Variants in HELZ observed in about 807,000 individuals in gnomAD.
HELZ encodes the protein helicase with zinc finger.
Under a neutral mutation model 218.2 loss-of-function variants are expected in HELZ, and 23 were observed. That is an observed-to-expected ratio of 0.11 (90% confidence interval 0.08 to 0.15). The LOEUF is 0.15. Among genes scored for constraint, HELZ ranks in the 10% least tolerant of loss-of-function variants. The probability of loss-of-function intolerance (pLI) is 1.00; values close to 1 mark genes in which losing one functional copy is unlikely to be tolerated. For synonymous variants in HELZ, 814 were observed against 829.4 expected (o/e 0.98, Z 0.32); for missense variants, 1,813 against 2,353.7 (o/e 0.77, Z 4.75).
At chr17:67,191,840 AG>A (rs2039904932) in intron 9 of HELZ, among the ~76,000 whole-genome samples, 1 of 151,604 alleles carries the variant, frequency 6.6e-6, no homozygotes, top group East Asian at 1.9e-4. Flanking sequence ...AGGCAAAGCC[AG>A]TTTTTAAATA....
chr17:67,223,808 TTAAACTCC>T (rs1260503093), intron 3 of HELZ, among the ~76,000 whole-genome samples: 4 of 152,158 alleles, frequency 2.6e-5, no homozygotes, highest in African/African-American at 9.7e-5. Context: ...CTAATTTCCT[TTAAACTCC>T]TATCCCTGTG....
At chr17:67,192,835 A>G (rs1027778318) in intron 9 of HELZ, among the ~76,000 whole-genome samples, 1 of 152,114 alleles carries the variant, frequency 6.6e-6, no homozygotes. Context: ...CTGTAACTTT[A>G]ATCATTCCTT....
chr17:67,146,323 T>C (rs2038495653), intron 20 of HELZ, among the ~76,000 whole-genome samples: 1 of 152,226 alleles, frequency 6.6e-6, no homozygotes. Flanking sequence ...CCATACTTTT[T>C]CCATGTTTAG....
chr17:67,178,259 CCT>C (rs1567866945), intron 13 of HELZ, among the ~76,000 whole-genome samples: 1 of 152,138 alleles, frequency 6.6e-6, no homozygotes, highest in Non-Finnish European at 1.5e-5. Context: ...TAATTTCATT[CCT>C]AAAACAACTT....
At chr17:67,094,403 GA>G (rs2036676243) in intron 31 of HELZ, among the ~76,000 whole-genome samples, 2 of 151,650 alleles carry the variant, frequency 1.3e-5, no homozygotes, top group African/African-American at 4.8e-5. Flanking sequence ...GAGAGAGAGA[GA>G]GAGATACAGA....
intron 9 of HELZ, among the ~76,000 whole-genome samples, chr17:67,192,931 G>A (rs1055528951): frequency 6.6e-6 from 1 of 152,142 alleles, no homozygotes; most frequent in Non-Finnish European, 1.5e-5. Flanking sequence ...ATTACATGAA[G>A]ATAATATTTT....
intron 21 of HELZ, among the ~76,000 whole-genome samples, chr17:67,144,725 C>T (rs1017097436): frequency 2.0e-5 from 3 of 152,036 alleles, no homozygotes; most frequent in Non-Finnish European, 4.4e-5. Flanking sequence ...GCCCTGGTTG[C>T]CACTTCCTGT....
At chr17:67,107,043 A>C in intron 31 of HELZ, 126 bp downstream of exon 31, 1 of 954,474 alleles carries the variant, frequency 1.0e-6, no homozygotes, top group South Asian at 1.8e-5. Context: ...AATAATTCCC[A>C]AGAAAGGATT....
At chr17:67,232,534 C>T (rs1372595874) in intron 3 of HELZ, among the ~76,000 whole-genome samples, 1 of 152,192 alleles carries the variant, frequency 6.6e-6, no homozygotes, top group Non-Finnish European at 1.5e-5. Flanking sequence ...TAAGTTAATT[C>T]GCCCAAAGAC....
chr17:67,162,947 A>G (rs1057387329), intron 15 of HELZ, among the ~76,000 whole-genome samples: 5 of 152,158 alleles, frequency 3.3e-5, no homozygotes, highest in South Asian at 2.1e-4. Context: ...CCTGGACCAC[A>G]TATCTCTAGG....
chr17:67,144,082 G>A (rs949991006), intron 21 of HELZ, among the ~76,000 whole-genome samples: 1 of 151,982 alleles, frequency 6.6e-6, no homozygotes, highest in African/African-American at 2.4e-5. Flanking sequence ...ATGCCACTTG[G>A]TCTGCTTGTT....
At chr17:67,106,020 C>G (rs1277522798) in intron 31 of HELZ, among the ~76,000 whole-genome samples, 1 of 152,162 alleles carries the variant, frequency 6.6e-6, no homozygotes, top group African/African-American at 2.4e-5. Flanking sequence ...CTTTAGATAT[C>G]ATTCTGAAAC....
intron 13 of HELZ, among the ~76,000 whole-genome samples, chr17:67,170,584 T>C (rs1389595249): frequency 6.6e-6 from 1 of 151,990 alleles, no homozygotes; most frequent in African/African-American, 2.4e-5. Flanking sequence ...CCCAGCACTT[T>C]GGGAGGCCGA....
At chr17:67,245,791 A>AT (rs2041467126), upstream of HELZ, 1 of 151,986 alleles carries the variant, frequency 6.6e-6, no homozygotes, top group Non-Finnish European at 1.5e-5. Context: ...AAAAAAAAAA[A>AT]TTGAGCCAAA....
At position 67,109,123 on chromosome 17, in the gene HELZ, C is replaced by A; in HGVS notation, c.4482G>T (p.Glu1494Asp). 1 of 1,601,768 alleles carries A rather than the reference C, an allele frequency of 6.2e-7. No individual in the cohort carries two copies. The highest frequency in any genetic ancestry group is 1.1e-5 in the South Asian group (1 of 89,748). The change falls in exon 29 of 33, where the codon GAG (glutamate) becomes GAT (aspartate). Residue 1494 changes from glutamate (E) to aspartate (D), a missense_variant. Physicochemically the swap from Glu to Asp is conservative, Grantham distance 45. This residue lies in a region of HELZ where 938 missense variants were observed against 1,027.5 expected (regional missense o/e 0.91). Transcript: ENST00000358691. The part of the protein sequence containing the change: ...DENPSGLPIG[E>D]ALDRIHGSVA... Reference sequence around the variant, plus strand: ...GGCAGTAATAGAACTTACCTAAAGCCTCCCCTATAGGTAATCCCGAGGGGT... The same window carrying A: ...GGCAGTAATAGAACTTACCTAAAGCATCCCCTATAGGTAATCCCGAGGGGT...
intron 13 of HELZ, among the ~76,000 whole-genome samples, chr17:67,177,550 G>A (rs2039495320): frequency 6.6e-6 from 1 of 151,370 alleles, no homozygotes. Flanking sequence ...TTATCATGGT[G>A]TTCTTTCCTA....
intron 12 of HELZ, among the ~76,000 whole-genome samples, chr17:67,181,997 CTG>C (rs201495348): frequency 0.27 from 41,696 of 151,942 alleles, 7,258 homozygotes; most frequent in East Asian, 0.69. Context: ...TATGGGGACA[CTG>C]GGCATGACTC....
At chr17:67,161,485 A>T (rs948920337) in intron 15 of HELZ, among the ~76,000 whole-genome samples, 3 of 152,208 alleles carry the variant, frequency 2.0e-5, no homozygotes, top group Non-Finnish European at 4.4e-5. Context: ...AACAAATGAA[A>T]TGCAATAGGG....
intron 13 of HELZ, among the ~76,000 whole-genome samples, chr17:67,175,928 T>C (rs952800458): frequency 9.9e-5 from 15 of 152,110 alleles, no homozygotes; most frequent in African/African-American, 3.4e-4. Flanking sequence ...CTTTAAAGAT[T>C]AAAAAAACAG....
Sources: gnomAD v4.1 joint callset for allele counts (sites outside exome capture counted in the v4.1 genomes callset) on GRCh38, gnomAD v4.1.1 for gene constraint, gnomAD v4.1.1 regional missense constraint, MANE v1.5 for transcripts, NCBI Gene and HGNC (gene_info 2026-07-23, HGNC 2026-07-21) for gene names.